The following USF1 variants were observed in gnomAD, a reference collection of about 807,000 sequenced individuals.
USF1 encodes upstream stimulatory factor 1.
In USF1, 22 loss-of-function variants were observed where a neutral mutation model predicts 46.3. That is an observed-to-expected ratio of 0.47 (90% CI 0.34 to 0.68). The LOEUF is 0.68. Among genes scored for constraint, USF1 ranks in the 30% least tolerant of loss-of-function variants. USF1 has a pLI of 0.01. For missense variants in USF1, 287 were observed against 399.3 expected (o/e 0.72, Z 2.40); for synonymous variants, 150 against 147.0 (o/e 1.02, Z -0.15).
At chr1:161,041,452 G>A (rs1192891227) in intron 6 of USF1, 41 bp from the exon 7 acceptor site, 2 of 1,596,348 alleles carry the variant, frequency 1.3e-6, no homozygotes, top group Admixed American at 1.7e-5. Flanking sequence ...ACATGGGTAG[G>A]AACCTCACCA....
Position 161,039,464 on chromosome 1 carries a change from C to T in USF1, c.*456G>A. ...ACTGCTAAACATCCTTCCCTCACTT[C>T]TTGTGTAAGCTTGCTCCCCTGAGCC... On this transcript the variant is annotated 3_prime_UTR_variant, in exon 11 of 11. Coordinates refer to ENST00000368021, the MANE Select transcript of USF1 (RefSeq NM_007122.5). The T allele has an allele frequency of 5.9e-6, 1 of 170,180 alleles. No homozygotes were observed. Among genetic ancestry groups the T allele is most frequent in the Admixed American group, 5.8e-5 (1 of 17,140 alleles). The allele number at this position is 170,180 out of a possible 1,614,324, so 10.5% of individuals were successfully genotyped here. A position where few individuals can be genotyped will look rare whatever the true frequency, so the allele number is the denominator to read the frequency against.
chr1:161,044,307 A>C (rs2102015862), intron 1 of USF1, among the ~76,000 whole-genome samples: 1 of 152,316 alleles, frequency 6.6e-6, no homozygotes, highest in Admixed American at 6.5e-5. Context: ...GCTTCATGGG[A>C]ATCAGGAAGG....
At chr1:161,042,089 G>C in intron 5 of USF1, 27 bp downstream of exon 5, 1 of 1,589,246 alleles carries the variant, frequency 6.3e-7, no homozygotes, top group Non-Finnish European at 8.6e-7. Flanking sequence ...CAGAACTCTA[G>C]TGACCTCCCC....
chr1:161,041,588 T>C, intron 6 of USF1, 63 bp downstream of exon 6: 1 of 1,559,126 alleles, frequency 6.4e-7, no homozygotes, highest in Non-Finnish European at 8.7e-7. Flanking sequence ...GCTCACTGCC[T>C]ACCAGTCATG....
rs1650593082 is a variant in USF1 at position 161,042,150 on chromosome 1, A to G, written c.242T>C (p.Ile81Thr). 1.2e-6 allele frequency: 2 copies of G among 1,613,798 alleles called. No homozygotes were observed. Among genetic ancestry groups the G allele is most frequent in the Admixed American group, 3.3e-5 (2 of 59,964 alleles). Residue 81 changes from isoleucine (I) to threonine (T), a missense_variant, in exon 5 of 11, where the codon ATC becomes ACC. By Grantham distance (89) the Ile-to-Thr change is moderately conservative. Transcript: ENST00000368021. ...GGATTGAGTGGCAGGGTAGCCACTG[A>G]TGGCGCCAGTTCCCTCAGTTTGGCC... Reference protein sequence around the residue: ...LDGQTEGTGAISGYPATQSMT... With the variant: ...LDGQTEGTGATSGYPATQSMT...
chr1:161,042,750 G>A (rs1650623937), intron 3 of USF1, 80 bp from the exon 4 acceptor site: 4 of 1,611,132 alleles, frequency 2.5e-6, no homozygotes, highest in Non-Finnish European at 3.4e-6. Context: ...ACGGAAGGAG[G>A]AGGATGCACA....
chr1:161,044,625 C>A (rs140003642), intron 1 of USF1, among the ~76,000 whole-genome samples: 126 of 151,844 alleles, frequency 8.3e-4, no homozygotes, highest in African/African-American at 2.9e-3. Context: ...TCCTGCAGAA[C>A]AACACTGTTG....
At position 161,040,454 on chromosome 1, in the gene USF1, T is replaced by A. The variant is rs1275862524; in HGVS notation, c.714+122A>T. ...AAGGTGGTATAATATCTCCCAGGGA[T>A]ACAGGAACCTCAGGGAGAGATAAGA... On this transcript the variant is annotated intron_variant, in intron 9 of 10. Transcript: ENST00000368021. The surrounding 1 kb of genome is among the most constrained non-coding windows in gnomAD (Gnocchi z 4.0). The A allele has an allele frequency of 2.2e-5, 35 of 1,560,022 alleles. No homozygotes were observed. The highest frequency in any genetic ancestry group is 3.0e-5 in the Non-Finnish European group (34 of 1,149,054).
Position 161,041,782 on chromosome 1 carries a change from G to GTCT in USF1, c.338_340dup (p.Glu113_Thr114insLys). 6.2e-7 allele frequency: 1 copy of GTCT among 1,614,028 alleles called. No homozygotes were observed. Among genetic ancestry groups the GTCT allele is most frequent in the Non-Finnish European group, 8.5e-7 (1 of 1,179,948 alleles). On this transcript the variant is annotated inframe_insertion, in exon 6 of 11. Coordinates refer to ENST00000368021, the MANE Select transcript of USF1 (RefSeq NM_007122.5). ...CGTGCTGGGGAAGTAAGTATAGTGCGTCTCAGCAGCTGTCCCCTCCGTGTC... is the reference window on the plus strand; with the variant it reads ...CGTGCTGGGGAAGTAAGTATAGTGCGTCTTCTCAGCAGCTGTCCCCTCCGTGTC...
intron 1 of USF1, among the ~76,000 whole-genome samples, chr1:161,045,610 C>A (rs971498450): frequency 1.3e-5 from 2 of 152,196 alleles, no homozygotes; most frequent in Non-Finnish European, 2.9e-5. Context: ...GCTCAAGCGC[C>A]CGGTGCCGGC....
chr1:161,039,924 T>C lies in USF1; in HGVS notation c.929A>G (p.Asn310Ser). The C allele has an allele frequency of 1.9e-6, 3 of 1,614,186 alleles. No homozygotes were observed. Among genetic ancestry groups the C allele is most frequent in the South Asian group, 1.1e-5 (1 of 91,084 alleles). ...AAAGCCCCTGAATCCCCATAGTTAGTTGCTGTCATTCTTGATGACGACCTC... is the reference window on the plus strand; with the variant it reads ...AAAGCCCCTGAATCCCCATAGTTAGCTGCTGTCATTCTTGATGACGACCTC... The part of the protein sequence containing the change: ...GLEVVIKNDS[N>S] The change falls in exon 11 of 11, where the codon AAC becomes AGC. Residue 310 changes from asparagine to serine, a missense_variant. Asn to Ser is a conservative substitution (Grantham distance 46). Transcript: ENST00000368021.
At chr1:161,044,268 TA>T (rs1304440259) in intron 1 of USF1, among the ~76,000 whole-genome samples, 2 of 152,148 alleles carry the variant, frequency 1.3e-5, no homozygotes, top group Non-Finnish European at 2.9e-5. Context: ...AATGGATCAT[TA>T]AAGCTATTAT....
chr1:161,041,338 A>T lies in USF1; in HGVS notation c.546T>A (p.Thr182=). 1 of 1,608,598 alleles carries T rather than the reference A, an allele frequency of 6.2e-7. No individual in the cohort carries two copies. The highest frequency in any genetic ancestry group is 8.5e-7 in the Non-Finnish European group (1 of 1,177,206). Residue 182 remains threonine, a synonymous_variant, in exon 7 of 11, where the codon ACT becomes ACA. Transcript: ENST00000368021. ...GGSQRSIAPR[T]HPYSPKSEAP... ...GGGTCACTCACGGGGAATAAGGGTG[A>T]GTCCTAGGGGCAATTGAGCGCTGGC...
chr1:161,041,521 A>G, intron 6 of USF1, 110 bp from the exon 7 acceptor site: 1 of 1,473,032 alleles, frequency 6.8e-7, no homozygotes, highest in East Asian at 2.3e-5. Flanking sequence ...ATAGAAGAGC[A>G]GCCCCAGACT....
Position 161,040,213 on chromosome 1 carries a change from G to A in USF1, c.832C>T (p.Leu278Phe). Residue 278 changes from leucine (L) to phenylalanine (F), a missense_variant, in exon 10 of 11, where the codon CTT becomes TTT. Leu to Phe is a conservative substitution (Grantham distance 22, BLOSUM62 0). Transcript: ENST00000368021. This position sits in a 1 kb window ranked among gnomAD's most constrained non-coding sequence, Gnocchi z 4.0. The part of the protein sequence containing the change: ...LDQLQLDNDV[L>F]RQQVEDLKNK... Reference sequence around the variant, plus strand: ...GGTAGGAGTCTGACCTGTTGTCGAAGCACGTCATTGTCCAGCTGCAGTTGG... The same window carrying A: ...GGTAGGAGTCTGACCTGTTGTCGAAACACGTCATTGTCCAGCTGCAGTTGG... 1 of 1,614,130 alleles carries A rather than the reference G, an allele frequency of 6.2e-7. No homozygotes were observed. The highest frequency in any genetic ancestry group is 1.1e-5 in the South Asian group (1 of 91,076).
At chr1:161,041,261 CA>C (rs1181304214) in intron 7 of USF1, 62 bp downstream of exon 7, 143,593 of 660,944 alleles carry the variant, frequency 0.22, 362 homozygotes, top group Non-Finnish European at 0.23. Flanking sequence ...GACTCTGTCT[CA>C]AAAAAAAAAA....
chr1:161,040,793 C>A lies in USF1; in HGVS notation c.619+21G>T. The A allele has an allele frequency of 6.2e-7, 1 of 1,614,102 alleles. No individual in the cohort carries two copies. Among genetic ancestry groups the A allele is most frequent in the Non-Finnish European group, 8.5e-7 (1 of 1,179,994 alleles). On this transcript the variant is annotated intron_variant, in intron 8 of 10. Coordinates refer to ENST00000368021, the MANE Select transcript of USF1 (RefSeq NM_007122.5). This position sits in a 1 kb window ranked among gnomAD's most constrained non-coding sequence, Gnocchi z 4.0. ...TGAGATCACACCAGACAGCTTCTAG[C>A]TCCACCCAGATCATACCTACCTTCA...
Position 161,040,915 on chromosome 1 carries a change from A to G in USF1, c.561-43T>C. ...GGTGGCCAGAGTAAGAAGACAAAAT[A>G]CATGATTGAAGTTTGGGGTTAAGGA... is the stretch of plus-strand genomic sequence containing the variant. On this transcript the variant is annotated intron_variant, in intron 7 of 10. Transcript: ENST00000368021. This position sits in a 1 kb window ranked among gnomAD's most constrained non-coding sequence, Gnocchi z 4.0. 1 of 1,612,780 alleles carries G rather than the reference A, an allele frequency of 6.2e-7. No homozygotes were observed. Among genetic ancestry groups the G allele is most frequent in the South Asian group, 1.1e-5 (1 of 91,016 alleles).
In USF1 at chr1:161,042,309, T is replaced by G. The variant is rs1162720770; in HGVS notation, c.175-92A>C. The G allele has an allele frequency of 2.2e-6, 3 of 1,338,596 alleles. No individual in the cohort carries two copies. The African/African-American group carries it at 4.4e-5, about 20-fold the overall frequency. The allele number at this position is 1,338,596 out of a possible 1,614,324, so 82.9% of individuals were successfully genotyped here. A position where few individuals can be genotyped will look rare whatever the true frequency, so the allele number is the denominator to read the frequency against. ...GGCCCCTCATAAAGCTTCCCTTGGA[T>G]AGGGCCCCAAAACAAAGTCCTTCAG... On this transcript the variant is annotated intron_variant, in intron 4 of 10. Transcript: ENST00000368021.
Sources: gnomAD v4.1 joint callset for allele counts (sites outside exome capture counted in the v4.1 genomes callset) on GRCh38, gnomAD v4.1.1 for gene constraint, Gnocchi (gnomAD v3.1) non-coding constraint, MANE v1.5 for transcripts, NCBI Gene and HGNC (gene_info 2026-07-23, HGNC 2026-07-21) for gene names.